Variants in GNPTG observed in about 807,000 individuals in gnomAD.
GNPTG encodes the protein N-acetylglucosamine-1-phosphate transferase subunit gamma.
In GNPTG, 46 loss-of-function variants were observed where a neutral mutation model predicts 43.8. The observed-to-expected ratio is 1.05, with a 90% CI of 0.83 to 1.34. The LOEUF (loss-of-function observed/expected upper bound fraction) is 1.34. GNPTG is among the 40% of genes most tolerant of loss of function. The probability of loss-of-function intolerance (pLI) is 0.00; values close to 1 mark genes in which losing one functional copy is unlikely to be tolerated. For missense variants in GNPTG, 549 were observed against 411.3 expected, an observed-to-expected ratio of 1.33 and a Z score of -2.90; for synonymous variants, 250 against 172.8, an observed-to-expected ratio of 1.45 and a Z score of -3.50.
At position 1,352,154 on chromosome 16, in the gene GNPTG, G is replaced by A. The variant is rs1211740079; in HGVS notation, c.105G>A (p.Ala35=). The A allele has an allele frequency of 4.4e-6, 7 of 1,578,758 alleles. No individual in the cohort carries two copies. The highest frequency in any genetic ancestry group is 6.0e-6 in the Non-Finnish European group (7 of 1,164,028). ...AKMKVVEEPN[A]FGVNNPFLPQ... is the part of the protein sequence containing the mutation. ...TGAAGGTGGTGGAGGAGCCCAACGC[G>A]TTTGGGTGAGCAGCCTCGCGGGCTG... is the stretch of plus-strand genomic sequence containing the variant. The change falls in exon 2 of 11, where the codon GCG becomes GCA. Residue 35 remains alanine (A), a synonymous_variant. Coordinates refer to ENST00000204679, the MANE Select transcript of GNPTG (RefSeq NM_032520.5).
At chr16:1,355,641 C>T (rs2034762268) in intron 3 of GNPTG, among the ~76,000 whole-genome samples, 1 of 152,016 alleles carries the variant, frequency 6.6e-6, no homozygotes. Flanking sequence ...GTGGTCCTGC[C>T]AGCGCCCAGC....
intron 3 of GNPTG, 36 bp downstream of exon 3, chr16:1,352,342 G>A (rs1337611671): frequency 6.5e-7 from 1 of 1,543,430 alleles, no homozygotes; most frequent in African/African-American, 1.4e-5. Context: ...CGCGGGGGTG[G>A]CCGCGGGGAG....
Position 1,362,742 on chromosome 16 carries a change from G to C in GNPTG, c.741G>C (p.Lys247Asn), listed in dbSNP as rs141035347. The change falls in exon 9 of 11, where the codon AAG (lysine) becomes AAC (asparagine). Residue 247 changes from lysine (K) to asparagine (N), a missense_variant and splice_region_variant. By Grantham distance (94) the Lys-to-Asn change is moderately conservative. Coordinates refer to ENST00000204679, the MANE Select transcript of GNPTG (RefSeq NM_032520.5). ...TTGAGACCCTGGAAAACTGCAGGAA[G>C]GTACCGTATTGGGGGGAGGTGGTGG... ...LGFETLENCR[K>N]AHKELSKEIK... The C allele has an allele frequency of 1.2e-6, 2 of 1,614,112 alleles. No individual in the cohort carries two copies. The highest frequency in any genetic ancestry group is 1.7e-5 in the Admixed American group (1 of 60,028).
In GNPTG at chr16:1,363,139, G is replaced by A. The variant is rs2034969309; in HGVS notation, c.*48G>A. ...TGGACGCGGCCGAGAGCCCTACAGA[G>A]AAGCTGGCTGGTAGGACCCGCAGGG... On this transcript the variant is annotated 3_prime_UTR_variant, in exon 11 of 11. Coordinates refer to ENST00000204679, the MANE Select transcript of GNPTG (RefSeq NM_032520.5). The A allele has an allele frequency of 7.7e-6, 12 of 1,562,158 alleles. No homozygotes were observed. In the African/African-American group the frequency reaches 8.1e-5, roughly 11 times the overall value.
Position 1,362,844 on chromosome 16 carries a change from A to C in GNPTG, c.761A>C (p.Lys254Thr). ...TGGTAGGCTCATAAAGAACTCTCAA[A>C]GGAGATCAAAAGGCTGAAAGGTTTG... Reference protein sequence around the residue: ...NCRKAHKELSKEIKRLKGLLT... With the variant: ...NCRKAHKELSTEIKRLKGLLT... Residue 254 changes from lysine (K) to threonine (T), a missense_variant, in exon 10 of 11, where the codon AAG (lysine) becomes ACG (threonine). Coordinates refer to ENST00000204679, the MANE Select transcript of GNPTG (RefSeq NM_032520.5). 1 of 1,613,622 alleles carries C rather than the reference A, an allele frequency of 6.2e-7. No individual in the cohort carries two copies. The highest frequency in any genetic ancestry group is 8.5e-7 in the Non-Finnish European group (1 of 1,179,916).
intron 3 of GNPTG, among the ~76,000 whole-genome samples, chr16:1,354,782 C>T (rs533238433): frequency 6.6e-6 from 1 of 152,258 alleles, no homozygotes; most frequent in East Asian, 1.9e-4. Flanking sequence ...TCCCAGTTTC[C>T]TGATCTTTTT....
At position 1,355,014 on chromosome 16, in the gene GNPTG, C is replaced by T. The variant is rs866392630; in HGVS notation, c.178+2708C>T. On this transcript the variant is annotated intron_variant, in intron 3 of 10. Transcript: ENST00000204679. ...ACTCCCCCGCATCTGCGGGGTGGGG[C>T]GTGGATCGTCTCCCGCATGTGCGGG... Among the ~76,000 whole-genome samples the T allele has an allele frequency of 8.2e-4, 124 of 151,386 alleles. No individual in the cohort carries two copies. The Middle Eastern group carries it at 0.01, about 13-fold the overall frequency.
intron 3 of GNPTG, chr16:1,361,538 G>A (rs2034875140): frequency 1.8e-6 from 1 of 559,336 alleles, no homozygotes; most frequent in South Asian, 1.9e-5. Flanking sequence ...CAGCTACTTG[G>A]GAGGCTGAGG....
rs2034833418 is a variant in GNPTG, at chr16:1,359,450, A to G, written c.179-2293A>G. On this transcript the variant is annotated intron_variant, in intron 3 of 10. Coordinates refer to ENST00000204679, the MANE Select transcript of GNPTG (RefSeq NM_032520.5). ...CGCCTGGCTAATTTTTTTGTACTTT[A>G]TTAGAGATCAGGTTTCACCATGTTG... Among the ~76,000 whole-genome samples the G allele has an allele frequency of 2.0e-5, 3 of 151,174 alleles. No homozygotes were observed. The South Asian group carries it at 6.3e-4, about 32-fold the overall frequency.
chr16:1,359,393 C>T (rs1170210244), intron 3 of GNPTG, among the ~76,000 whole-genome samples: 1 of 152,114 alleles, frequency 6.6e-6, no homozygotes, highest in South Asian at 2.1e-4. Context: ...CTCAGCCTCC[C>T]GAGTAGCTGG....
chr16:1,355,144 TGGATG>T (rs2034754003), intron 3 of GNPTG, among the ~76,000 whole-genome samples: 1 of 151,918 alleles, frequency 6.6e-6, no homozygotes, highest in Non-Finnish European at 1.5e-5. Flanking sequence ...GGGTCGGGTG[TGGATG>T]GTCTCCCGCG....
At chr16:1,354,098 C>T (rs142148551) in intron 3 of GNPTG, among the ~76,000 whole-genome samples, 1 of 152,116 alleles carries the variant, frequency 6.6e-6, no homozygotes, top group Admixed American at 6.5e-5. Flanking sequence ...CACTTCCCTG[C>T]GGCTCAGAAG....
chr16:1,358,454 T>TA (rs2034817140), intron 3 of GNPTG: 1 of 152,156 alleles, frequency 6.6e-6, no homozygotes, highest in African/African-American at 2.4e-5. Flanking sequence ...GCTTCCTTTT[T>TA]ATATGGCTGA....
intron 3 of GNPTG, among the ~76,000 whole-genome samples, chr16:1,353,492 G>GT (rs1218047660): frequency 6.6e-6 from 1 of 152,184 alleles, no homozygotes. Flanking sequence ...GAGGGAGTGT[G>GT]TGTATGTGTG....
chr16:1,354,972 T>C (rs1283256753), intron 3 of GNPTG, among the ~76,000 whole-genome samples: 2 of 151,902 alleles, frequency 1.3e-5, no homozygotes, highest in African/African-American at 2.4e-5. Context: ...CCCGCGTCTG[T>C]GGGGTGGGGC....
chr16:1,355,310 G>C (rs1371989050), intron 3 of GNPTG, among the ~76,000 whole-genome samples: 1 of 152,216 alleles, frequency 6.6e-6, no homozygotes, highest in Non-Finnish European at 1.5e-5. Flanking sequence ...GGCGGATTGT[G>C]TGCAGTGGGT....
chr16:1,355,106 C>T (rs1479589298), intron 3 of GNPTG, among the ~76,000 whole-genome samples: 1 of 149,630 alleles, frequency 6.7e-6, no homozygotes, highest in Non-Finnish European at 1.5e-5. Context: ...TCTGCGGGGT[C>T]GGGTGTGGAT....
rs2034901117 is a variant in GNPTG at position 1,362,129 on chromosome 16, A to C, written c.409A>C (p.Lys137Gln). The C allele has an allele frequency of 2.5e-6, 4 of 1,612,616 alleles. No individual in the cohort carries two copies. The highest frequency in any genetic ancestry group is 3.4e-6 in the Non-Finnish European group (4 of 1,179,540). ...CTGCCGTTCCCGGAGCCGGCAGAGC[A>C]AGGTGGGGCCTCAGACGGGAGCCCG... is the stretch of plus-strand genomic sequence containing the variant. ...DACRSRSRQSKVELACGKSNR... is the reference protein window; with the variant it reads ...DACRSRSRQSQVELACGKSNR... Residue 137 changes from lysine to glutamine, a missense_variant and splice_region_variant, in exon 6 of 11, where the codon AAG becomes CAG. Lys to Gln is a moderately conservative substitution (Grantham distance 53). Transcript: ENST00000204679.
At chr16:1,354,774 C>T (rs1486065476) in intron 3 of GNPTG, among the ~76,000 whole-genome samples, 1 of 152,132 alleles carries the variant, frequency 6.6e-6, no homozygotes, top group Admixed American at 6.5e-5. Context: ...CATTTGTTTC[C>T]CAGTTTCCTG....
Sources: gnomAD v4.1 joint callset for allele counts (sites outside exome capture counted in the v4.1 genomes callset) on GRCh38, gnomAD v4.1.1 for gene constraint, MANE v1.5 for transcripts, NCBI Gene and HGNC (gene_info 2026-07-23, HGNC 2026-07-21) for gene names.